The following KIF3C variants were observed in gnomAD, a reference collection of about 807,000 sequenced individuals.
KIF3C encodes the protein kinesin-like protein KIF3C.
Under a neutral mutation model 67.7 loss-of-function variants are expected in KIF3C, and 12 were observed. That is an observed-to-expected ratio of 0.18 (90% CI 0.11 to 0.29). The LOEUF (loss-of-function observed/expected upper bound fraction) is 0.29, where lower values mean the gene tolerates loss of function less well. Among genes scored for constraint, KIF3C ranks in the 10% least tolerant of loss-of-function variants. The pLI is 1.00. For synonymous variants in KIF3C, 393 were observed against 426.2 expected (o/e 0.92, Z 0.96); for missense variants, 789 against 1,059.6 (o/e 0.74, Z 3.55).
rs74612454 is a variant in KIF3C at position 25,959,909 on chromosome 2, C to T, written c.1546-3465G>A. 3.7e-3 allele frequency among the ~76,000 whole-genome samples: 569 copies of T among 152,250 alleles called. 5 individuals carry two copies. Among genetic ancestry groups the T allele is most frequent in the African/African-American group, 0.013 (542 of 41,546 alleles). On this transcript the variant is annotated intron_variant, in intron 1 of 7. Transcript: ENST00000264712. ...CTGTTGTGGACCATGGATACCTGAT[C>T]CCCTAACTACTGGGTCACAGGTCTT...
At chr2:25,962,995 ATAATATATAATATATAAT>A (rs1664027779) in intron 1 of KIF3C, among the ~76,000 whole-genome samples, 3 of 45,596 alleles carry the variant, frequency 6.6e-5, no homozygotes, top group Middle Eastern at 0.012. Context: ...TATAATATAT[ATAATATATAATATATAAT>A]ATATATAATA....
At chr2:25,962,101 T>A (rs1426713438) in intron 1 of KIF3C, among the ~76,000 whole-genome samples, 6 of 152,112 alleles carry the variant, frequency 3.9e-5, no homozygotes, top group Non-Finnish European at 5.9e-5. Flanking sequence ...CGTCTTGAGG[T>A]TTGACAGCAG....
chr2:25,964,303 A>T (rs74664540), intron 1 of KIF3C, among the ~76,000 whole-genome samples: 4,040 of 152,250 alleles, frequency 0.027, 74 homozygotes, highest in African/African-American at 0.053. Context: ...CAAAAATAAA[A>T]TAAATAAAAT....
At chr2:25,945,431 G>A (rs1008355953) in intron 5 of KIF3C, among the ~76,000 whole-genome samples, 1 of 151,804 alleles carries the variant, frequency 6.6e-6, no homozygotes, top group African/African-American at 2.4e-5. Flanking sequence ...GCCAGGTTCG[G>A]TGGCTCAAGC....
At chr2:25,940,295 G>T (rs191253319) in intron 5 of KIF3C, among the ~76,000 whole-genome samples, 1 of 152,138 alleles carries the variant, frequency 6.6e-6, no homozygotes. Flanking sequence ...AAGGCCAGGC[G>T]CATGGTGGCT....
At chr2:25,962,108 G>C (rs905481888) in intron 1 of KIF3C, among the ~76,000 whole-genome samples, 3 of 152,190 alleles carry the variant, frequency 2.0e-5, no homozygotes, top group Admixed American at 2.0e-4. Flanking sequence ...AGGTTTGACA[G>C]CAGCAGTTTT....
At chr2:25,940,650 CTTTTTTTTTTT>C (rs70950139) in intron 5 of KIF3C, among the ~76,000 whole-genome samples, 49 of 74,176 alleles carry the variant, frequency 6.6e-4, no homozygotes, top group African/African-American at 2.1e-3. Flanking sequence ...TCAGAATGTT[CTTTTTTTTTTT>C]TTTTTTTTTT....
rs190738007 is a variant in KIF3C, at chr2:25,936,019, G to A, written c.2007-5956C>T. Among the ~76,000 whole-genome samples, 803 of 151,810 alleles carry A rather than the reference G, an allele frequency of 5.3e-3. 1 individual carries two copies. Among genetic ancestry groups the A allele is most frequent in the Non-Finnish European group, 7.6e-3 (517 of 67,944 alleles). On this transcript the variant is annotated intron_variant, in intron 5 of 7. Transcript: ENST00000264712. ...GGAGAATCGCTTGAACCCGGGAGGC[G>A]GAGGTTGTAGTGAGCCAACATCACG...
rs937525824 is a variant in KIF3C, at chr2:25,955,378, C to T, written c.1770+163G>A. 6.6e-6 allele frequency among the ~76,000 whole-genome samples: 1 copy of T among 151,998 alleles called. No homozygotes were observed. The highest frequency in any genetic ancestry group is 2.4e-5 in the African/African-American group (1 of 41,380). ...AAGGCTCTACTCCACCCCCAGCCCC[C>T]GCCTCCTGCCTCCCCCTGTTGCTCA... On this transcript the variant is annotated intron_variant, in intron 3 of 7. Coordinates refer to ENST00000264712, the MANE Select transcript of KIF3C (RefSeq NM_002254.8). This position sits in a 1 kb window ranked among gnomAD's most constrained non-coding sequence, Gnocchi z 5.0.
At chr2:25,929,186 G>C in intron 7 of KIF3C, 115 bp from the exon 8 acceptor site, 5 of 1,395,878 alleles carry the variant, frequency 3.6e-6, no homozygotes, top group Non-Finnish European at 5.0e-6. Flanking sequence ...GACATCCCCA[G>C]TCACCCCTTG....
chr2:25,950,470 C>CCT (rs139002795), intron 5 of KIF3C, among the ~76,000 whole-genome samples: 29,431 of 151,742 alleles, frequency 0.19, 3,336 homozygotes, highest in African/African-American at 0.32. Flanking sequence ...CATCCACCTG[C>CCT]CTCAGCCTCC....
chr2:25,962,921 A>T (rs1474772559), intron 1 of KIF3C, among the ~76,000 whole-genome samples: 1 of 48,236 alleles, frequency 2.1e-5, no homozygotes, highest in South Asian at 5.3e-4. Context: ...TAATATATAT[A>T]ATATATAATA....
At chr2:25,947,344 G>A (rs1205633359) in intron 5 of KIF3C, among the ~76,000 whole-genome samples, 1 of 152,100 alleles carries the variant, frequency 6.6e-6, no homozygotes, top group Non-Finnish European at 1.5e-5. Context: ...CACTTTGGGA[G>A]GCCGGGGCGG....
rs1294428042 is a variant in KIF3C at position 25,982,291 on chromosome 2, G to C, written c.-374C>G. 2.5e-6 allele frequency: 1 copy of C among 402,856 alleles called. No homozygotes were observed. Among genetic ancestry groups the C allele is most frequent in the Non-Finnish European group, 4.4e-6 (1 of 228,964 alleles). The allele number at this position is 402,856 out of a possible 1,614,324, so 25.0% of individuals were successfully genotyped here. A position where few individuals can be genotyped will look rare whatever the true frequency, so the allele number is the denominator to read the frequency against. On this transcript the variant is annotated 5_prime_UTR_variant, in exon 1 of 8. Coordinates refer to ENST00000264712, the MANE Select transcript of KIF3C (RefSeq NM_002254.8). The stretch of plus-strand genomic sequence containing the variant: ...GAGGAAAATGGGATGGGGGTGGGCG[G>C]CGAGCTGTCTTCTCCTCCTTCCTCT...
At chr2:25,970,667 C>CAAAAAAAAAA (rs397984116) in intron 1 of KIF3C, among the ~76,000 whole-genome samples, 7 of 54,794 alleles carry the variant, frequency 1.3e-4, no homozygotes, top group East Asian at 7.7e-4. Context: ...AACTTTGTCT[C>CAAAAAAAAAA]AAAAAAAAAA....
At chr2:25,959,646 G>C (rs1300916850) in intron 1 of KIF3C, among the ~76,000 whole-genome samples, 1 of 152,028 alleles carries the variant, frequency 6.6e-6, no homozygotes, top group Non-Finnish European at 1.5e-5. Flanking sequence ...TGCCGTGTTG[G>C]CCAGGCTGGT....
Position 25,980,856 on chromosome 2 carries a change from G to A in KIF3C, c.1062C>T (p.Ser354=), listed in dbSNP as rs1228728419. 1.2e-6 allele frequency: 2 copies of A among 1,614,078 alleles called. No homozygotes were observed. Among genetic ancestry groups the A allele is most frequent in the Non-Finnish European group, 1.7e-6 (2 of 1,180,042 alleles). ...TGGCTCGGTTGGCAAAGCGCAAGGT[G>A]GAGAGGCTCTCATCGTAGCTGTGAG... ...PASHSYDESL[S]TLRFANRAKN... The change falls in exon 1 of 8, where the codon TCC becomes TCT. Residue 354 remains serine, a synonymous_variant. Transcript: ENST00000264712. The surrounding 1 kb of genome is among the most constrained non-coding windows in gnomAD (Gnocchi z 7.6).
chr2:25,980,319 G>T lies in KIF3C; in HGVS notation c.1545+54C>A. On this transcript the variant is annotated intron_variant, in intron 1 of 7. Transcript: ENST00000264712. This position sits in a 1 kb window ranked among gnomAD's most constrained non-coding sequence, Gnocchi z 7.6. Reference sequence around the variant, plus strand: ...CAGACTCTCAAAGAAGAGCCTCCTTGCCGGGATCCCCTGCGGGGACATCTC... The same window carrying T: ...CAGACTCTCAAAGAAGAGCCTCCTTTCCGGGATCCCCTGCGGGGACATCTC... 1.4e-6 allele frequency: 2 copies of T among 1,437,004 alleles called. No homozygotes were observed. Among genetic ancestry groups the T allele is most frequent in the Non-Finnish European group, 1.9e-6 (2 of 1,047,466 alleles). 89.0% of individuals were successfully genotyped at this position (1,437,004 alleles called of 1,614,324 possible). A position where few individuals can be genotyped will look rare whatever the true frequency, so the allele number is the denominator to read the frequency against.
intron 5 of KIF3C, chr2:25,951,354 C>T (rs952318110): frequency 3.6e-5 from 6 of 168,340 alleles, no homozygotes; most frequent in African/African-American, 1.4e-4. Flanking sequence ...ACTGTGAGCT[C>T]GGACCATGTC....
Sources: gnomAD v4.1 joint callset for allele counts (sites outside exome capture counted in the v4.1 genomes callset) on GRCh38, gnomAD v4.1.1 for gene constraint, Gnocchi (gnomAD v3.1) non-coding constraint, MANE v1.5 for transcripts, NCBI Gene and HGNC (gene_info 2026-07-23, HGNC 2026-07-21) for gene names.